The following PCDHGA3 variants were observed in gnomAD, a reference collection of about 807,000 sequenced individuals.
PCDHGA3 encodes the protein protocadherin gamma-A3.
A neutral mutation model predicts 58.5 loss-of-function variants in PCDHGA3; 40 were observed. The ratio of observed to expected loss-of-function variants is 0.68; its 90% confidence interval spans 0.53 to 0.89. The LOEUF is 0.89. Among genes scored for constraint, PCDHGA3 ranks in the 40% least tolerant of loss-of-function variants. The pLI is 0.00. For synonymous variants in PCDHGA3, 530 were observed against 525.7 expected (o/e 1.01, Z -0.11); for missense variants, 1,223 against 1,195.9 (o/e 1.02, Z -0.33).
chr5:141,406,294 G>C (rs1399208737), intron 1 of PCDHGA3, among the ~76,000 whole-genome samples: 1 of 151,910 alleles, frequency 6.6e-6, no homozygotes, highest in East Asian at 1.9e-4. Flanking sequence ...CACTGGGTGA[G>C]GTGTGAACCA....
In PCDHGA3 at chr5:141,476,466, A is replaced by C. The variant is rs771760524; in HGVS notation, c.2425-18341A>C. The C allele has an allele frequency of 6.2e-7, 1 of 1,613,996 alleles. No individual in the cohort carries two copies. Reference sequence around the variant, plus strand: ...GAGTTGGTAGTGGAGAACCCGCTGGAGCTGTTCAGCGTGGAAGTGGTGATC... The same window carrying C: ...GAGTTGGTAGTGGAGAACCCGCTGGCGCTGTTCAGCGTGGAAGTGGTGATC... On this transcript the variant is annotated intron_variant, in intron 1 of 3. Transcript: ENST00000253812. This position sits in a 1 kb window ranked among gnomAD's most constrained non-coding sequence, Gnocchi z 7.6.
intron 1 of PCDHGA3, among the ~76,000 whole-genome samples, chr5:141,457,384 G>A (rs2154565902): frequency 6.6e-6 from 1 of 152,270 alleles, no homozygotes; most frequent in African/African-American, 2.4e-5. Context: ...CCCAGAACTA[G>A]CATATTGATT....
chr5:141,374,475 C>T (rs765909880), intron 1 of PCDHGA3: 4 of 1,612,136 alleles, frequency 2.5e-6, no homozygotes, highest in Admixed American at 1.7e-5. Context: ...GACAATACAC[C>T]CCGATTCTTA....
In PCDHGA3 at chr5:141,486,981, A is replaced by G. The variant is rs1457098151; in HGVS notation, c.2425-7826A>G. Reference sequence around the variant, plus strand: ...GCTGTGGACTTGGATTCAGGTTACAATGCTTGGGTTTCCTATCAGCTCCTG... The same window carrying G: ...GCTGTGGACTTGGATTCAGGTTACAGTGCTTGGGTTTCCTATCAGCTCCTG... On this transcript the variant is annotated intron_variant, in intron 1 of 3. Coordinates refer to ENST00000253812, the MANE Select transcript of PCDHGA3 (RefSeq NM_018916.4). The surrounding 1 kb of genome is among the most constrained non-coding windows in gnomAD (Gnocchi z 5.0). 17 of 1,614,038 alleles carry G rather than the reference A, an allele frequency of 1.1e-5. No individual in the cohort carries two copies. The highest frequency in any genetic ancestry group is 4.0e-5 in the African/African-American group (3 of 74,922).
chr5:141,453,101 T>TTTTTGTTTTG (rs879618609), intron 1 of PCDHGA3, among the ~76,000 whole-genome samples: 1 of 152,012 alleles, frequency 6.6e-6, no homozygotes, highest in Non-Finnish European at 1.5e-5. Flanking sequence ...TTCTGTTGCT[T>TTTTTGTTTTG]TTTTGTTTTG....
chr5:141,458,873 C>T (rs1278498446), intron 1 of PCDHGA3, among the ~76,000 whole-genome samples: 2 of 152,148 alleles, frequency 1.3e-5, no homozygotes, highest in African/African-American at 4.8e-5. Context: ...GCTGGGACTA[C>T]AGGCATGCAC....
At chr5:141,398,993 G>A (rs1438560245) in intron 1 of PCDHGA3, 2 of 1,613,944 alleles carry the variant, frequency 1.2e-6, no homozygotes, top group Admixed American at 1.7e-5. Flanking sequence ...CAAATCTTTA[G>A]TCTGAATTCA....
intron 1 of PCDHGA3, chr5:141,376,557 C>A: frequency 6.2e-7 from 1 of 1,609,994 alleles, no homozygotes; most frequent in Non-Finnish European, 8.5e-7. Flanking sequence ...CTTCCCGCAA[C>A]CCAACTAATC....
chr5:141,461,027 C>G (rs993151622), intron 1 of PCDHGA3, among the ~76,000 whole-genome samples: 2 of 150,168 alleles, frequency 1.3e-5, no homozygotes, highest in Non-Finnish European at 3.0e-5. Flanking sequence ...TTTTCTTTAT[C>G]CACTCATTAG....
chr5:141,347,694 G>A (rs1189399790), intron 1 of PCDHGA3, among the ~76,000 whole-genome samples: 1 of 151,428 alleles, frequency 6.6e-6, no homozygotes, highest in Non-Finnish European at 1.5e-5. Flanking sequence ...AGCTGAGGCA[G>A]AAGAATTGCT....
intron 1 of PCDHGA3, chr5:141,356,437 G>C (rs1760223098): frequency 6.2e-7 from 1 of 1,611,268 alleles, no homozygotes; most frequent in Non-Finnish European, 8.5e-7. Context: ...ACTGGACAGG[G>C]AAGAAGTCTC....
intron 1 of PCDHGA3, chr5:141,361,324 T>G (rs767058928): frequency 6.2e-7 from 1 of 1,613,936 alleles, no homozygotes. Context: ...TTTGAAATCT[T>G]CCTCAAAGAA....
chr5:141,369,299 CATT>C (rs1766146509), intron 1 of PCDHGA3, among the ~76,000 whole-genome samples: 1 of 152,112 alleles, frequency 6.6e-6, no homozygotes. Context: ...AATAACGCAT[CATT>C]GTTAGGCTAC....
At chr5:141,382,764 A>G (rs1778415401) in intron 1 of PCDHGA3, 1 of 699,092 alleles carries the variant, frequency 1.4e-6, no homozygotes. Context: ...GCCCTCTTCC[A>G]GGCTGCACTA....
At chr5:141,414,957 G>A in intron 1 of PCDHGA3, 7 of 1,614,018 alleles carry the variant, frequency 4.3e-6, no homozygotes, top group Non-Finnish European at 3.4e-6. Flanking sequence ...TGGTGACCAA[G>A]GTGGTGGCGG....
chr5:141,504,848 C>G (rs181277525), intron 2 of PCDHGA3, among the ~76,000 whole-genome samples: 1 of 152,236 alleles, frequency 6.6e-6, no homozygotes, highest in Non-Finnish European at 1.5e-5. Context: ...CTGGAACATT[C>G]TCTTCCATTT....
chr5:141,373,098 C>T (rs1402463048), intron 1 of PCDHGA3, among the ~76,000 whole-genome samples: 2 of 152,208 alleles, frequency 1.3e-5, no homozygotes, highest in Non-Finnish European at 2.9e-5. Flanking sequence ...CTGTCATTTT[C>T]AGACATATCT....
At chr5:141,469,314 C>A (rs982242861) in intron 1 of PCDHGA3, among the ~76,000 whole-genome samples, 1 of 151,982 alleles carries the variant, frequency 6.6e-6, no homozygotes, top group Non-Finnish European at 1.5e-5. Flanking sequence ...CGATGGCTCA[C>A]GCCTGTAATC....
intron 1 of PCDHGA3, chr5:141,424,411 C>T (rs1259102577): frequency 6.6e-6 from 1 of 152,154 alleles, no homozygotes; most frequent in Admixed American, 6.5e-5. Flanking sequence ...GGTGAAGTTA[C>T]ATTGACTGTT....
Sources: gnomAD v4.1 joint callset for allele counts (sites outside exome capture counted in the v4.1 genomes callset) on GRCh38, gnomAD v4.1.1 for gene constraint, Gnocchi (gnomAD v3.1) non-coding constraint, MANE v1.5 for transcripts, NCBI Gene and HGNC (gene_info 2026-07-23, HGNC 2026-07-21) for gene names.